Variants in EDEM2 observed in about 807,000 individuals in gnomAD.
EDEM2 encodes the protein ER degradation-enhancing alpha-mannosidase-like protein 2.
In EDEM2, 39 loss-of-function variants were observed where a neutral mutation model predicts 64.8. The ratio of observed to expected loss-of-function variants is 0.60; its 90% CI spans 0.47 to 0.79. The LOEUF (loss-of-function observed/expected upper bound fraction) is 0.79, where lower values mean the gene tolerates loss of function less well. Ranked by LOEUF, EDEM2 falls within the 30% of genes least tolerant of loss-of-function variation. The pLI, the probability that EDEM2 is intolerant of heterozygous loss-of-function variation, is 0.00. For synonymous variants in EDEM2, 296 were observed against 291.5 expected (o/e 1.02, Z -0.16); for missense variants, 609 against 731.3 (o/e 0.83, Z 1.93).
intron 8 of EDEM2, among the ~76,000 whole-genome samples, chr20:35,126,005 G>A (rs1364830700): frequency 6.6e-6 from 1 of 152,144 alleles, no homozygotes; most frequent in Non-Finnish European, 1.5e-5. Context: ...GCCCAGACTG[G>A]AAATGCACTG....
chr20:35,116,045 G>C (rs768993326), intron 10 of EDEM2, 112 bp from the exon 11 acceptor site: 107 of 1,169,384 alleles, frequency 9.2e-5, no homozygotes, highest in Middle Eastern at 2.8e-4. Context: ...GGGCCTGTGA[G>C]CAAATCACTG....
intron 9 of EDEM2, 90 bp downstream of exon 9, chr20:35,123,800 C>A: frequency 2.1e-6 from 3 of 1,459,230 alleles, no homozygotes; most frequent in Non-Finnish European, 2.8e-6. Context: ...AACTTGTGGG[C>A]AGTTGTGGAG....
chr20:35,133,756 C>T (rs1184048065), intron 6 of EDEM2, among the ~76,000 whole-genome samples: 6 of 152,114 alleles, frequency 3.9e-5, no homozygotes, highest in Non-Finnish European at 5.9e-5. Flanking sequence ...CGTGAGCCAC[C>T]GCACCCAGCC....
intron 8 of EDEM2, among the ~76,000 whole-genome samples, chr20:35,125,252 A>G (rs6088726): frequency 0.61 from 91,390 of 150,078 alleles, 28,046 homozygotes; most frequent in Admixed American, 0.71. Context: ...CCAGGCTGCA[A>G]TGGCATGATC....
At chr20:35,139,904 T>C (rs1221015103) in intron 4 of EDEM2, among the ~76,000 whole-genome samples, 2 of 151,778 alleles carry the variant, frequency 1.3e-5, no homozygotes, top group African/African-American at 4.8e-5. Flanking sequence ...AACAAGATTC[T>C]CTACAAATAA....
rs1168229234 is a variant in EDEM2 at position 35,137,970 on chromosome 20, T to C, written c.400A>G (p.Lys134Glu). ...GGLLSAHLLS[K>E]KAGVEVEAGW... Reference sequence around the variant, plus strand: ...GCCTCTACTTCCACCCCAGCCTTCTTGGAGAGCAGATGAGCAGACAGGAGT... The same window carrying C: ...GCCTCTACTTCCACCCCAGCCTTCTCGGAGAGCAGATGAGCAGACAGGAGT... The change falls in exon 5 of 11, where the codon AAG becomes GAG. Residue 134 changes from lysine (K) to glutamate (E), a missense_variant. Lys to Glu is a moderately conservative substitution (Grantham distance 56). Transcript: ENST00000374492. 6.2e-7 allele frequency: 1 copy of C among 1,614,082 alleles called. No individual in the cohort carries two copies. Among genetic ancestry groups the C allele is most frequent in the Non-Finnish European group, 8.5e-7 (1 of 1,180,000 alleles).
At chr20:35,130,020 T>C (rs377634673) in intron 7 of EDEM2, among the ~76,000 whole-genome samples, 9 of 152,302 alleles carry the variant, frequency 5.9e-5, no homozygotes, top group African/African-American at 2.2e-4. Context: ...GCGTGACTAC[T>C]GTTTTCCTAT....
Position 35,126,241 on chromosome 20 carries a change from T to G in EDEM2, c.969+10A>C, listed in dbSNP as rs1394505322. ...ATAGAAAGATGATCACATTCTTTGA[T>G]CATTCCTACCTGAAGACCAGGCCAG... On this transcript the variant is annotated intron_variant, in intron 8 of 10. Transcript: ENST00000374492. 1 of 1,610,684 alleles carries G rather than the reference T, an allele frequency of 6.2e-7. No individual in the cohort carries two copies. The highest frequency in any genetic ancestry group is 8.5e-7 in the Non-Finnish European group (1 of 1,179,152).
Position 35,134,966 on chromosome 20 carries a change from T to C in EDEM2, c.491-17A>G. On this transcript the variant is annotated splice_polypyrimidine_tract_variant and intron_variant, in intron 5 of 10. Coordinates refer to ENST00000374492, the MANE Select transcript of EDEM2 (RefSeq NM_018217.3). ...TCTGAAAGGCTGAACAATCGACAAA[T>C]TATGATCCCGGACAGGAGCAGGGGG... 6.2e-7 allele frequency: 1 copy of C among 1,612,542 alleles called. No individual in the cohort carries two copies. The highest frequency in any genetic ancestry group is 1.1e-5 in the South Asian group (1 of 91,062).
intron 5 of EDEM2, 90 bp from the exon 6 acceptor site, chr20:35,135,039 A>C (rs985643941): frequency 4.7e-6 from 6 of 1,269,392 alleles, no homozygotes; most frequent in Admixed American, 3.7e-5. Flanking sequence ...CTTAGCCAGC[A>C]CTTCCCTCTT....
chr20:35,118,005 T>C (rs933571545), intron 10 of EDEM2, among the ~76,000 whole-genome samples: 2 of 152,154 alleles, frequency 1.3e-5, no homozygotes, highest in Admixed American at 6.5e-5. Flanking sequence ...CCTTATCTCT[T>C]CCCACTTTTC....
chr20:35,116,310 C>A (rs991021247), intron 10 of EDEM2, among the ~76,000 whole-genome samples: 1 of 152,232 alleles, frequency 6.6e-6, no homozygotes, highest in South Asian at 2.1e-4. Flanking sequence ...CAAGCTCCTA[C>A]AGTATCTGTA....
chr20:35,136,060 A>G (rs575972380), intron 5 of EDEM2, among the ~76,000 whole-genome samples: 28 of 152,230 alleles, frequency 1.8e-4, no homozygotes, highest in Non-Finnish European at 1.2e-4. Flanking sequence ...CAAACTGTGA[A>G]CAAAGGTGTC....
chr20:35,146,690 G>A (rs1415771), intron 2 of EDEM2, 135 bp downstream of exon 2: 427,093 of 919,292 alleles, frequency 0.46, 101,849 homozygotes, highest in African/African-American at 0.59. Context: ...GAATTGCGGG[G>A]AGCGCGGCTC....
chr20:35,134,974 C>G (rs747472383), intron 5 of EDEM2, 25 bp from the exon 6 acceptor site: 9 of 1,610,296 alleles, frequency 5.6e-6, no homozygotes, highest in Middle Eastern at 1.6e-4. Context: ...AATTATGATC[C>G]CGGACAGGAG....
At chr20:35,146,094 C>CTA (rs2085728256) in intron 2 of EDEM2, among the ~76,000 whole-genome samples, 1 of 150,962 alleles carries the variant, frequency 6.6e-6, no homozygotes, top group Non-Finnish European at 1.5e-5. Flanking sequence ...ATACACACAT[C>CTA]TATATATATA....
chr20:35,146,875 G>A lies in EDEM2; in HGVS notation c.168C>T (p.Pro56=). Residue 56 remains proline, a synonymous_variant, in exon 2 of 11, where the codon CCC becomes CCT. Transcript: ENST00000374492. ...AGGTGAGAGGTCGCAGCTCATCGAAGGGAAAGGCATTCTCCAGGTAGCTGT... is the reference window on the plus strand; with the variant it reads ...AGGTGAGAGGTCGCAGCTCATCGAAAGGAAAGGCATTCTCCAGGTAGCTGT... The part of the protein sequence containing the change: ...AYDSYLENAF[P]FDELRPLTCD... 6.2e-7 allele frequency: 1 copy of A among 1,614,192 alleles called. No individual in the cohort carries two copies. The highest frequency in any genetic ancestry group is 8.5e-7 in the Non-Finnish European group (1 of 1,180,022).
Position 35,134,749 on chromosome 20 carries a change from C to G in EDEM2, c.691G>C (p.Asp231His). 6.2e-7 allele frequency: 1 copy of G among 1,613,170 alleles called. No individual in the cohort carries two copies. Among genetic ancestry groups the G allele is most frequent in the East Asian group, 2.2e-5 (1 of 44,882 alleles). ...AGCAGCGAACCTACCAGCCCGATAT[C>G]TGACCGGCTCTCCCAGAGGCGCATC... ...ALMRLWESRS[D>H]IGLVGNHIDV... The change falls in exon 6 of 11, where the codon GAT (aspartate) becomes CAT (histidine). Residue 231 changes from aspartate (D) to histidine (H), a missense_variant. Transcript: ENST00000374492.
chr20:35,123,367 C>T (rs1600703183), intron 9 of EDEM2, among the ~76,000 whole-genome samples: 1 of 152,058 alleles, frequency 6.6e-6, no homozygotes, highest in South Asian at 2.1e-4. Flanking sequence ...CCAAGGTGGG[C>T]GGATCACCTG....
Sources: gnomAD v4.1 joint callset for allele counts (sites outside exome capture counted in the v4.1 genomes callset) on GRCh38, gnomAD v4.1.1 for gene constraint, MANE v1.5 for transcripts, NCBI Gene and HGNC (gene_info 2026-07-23, HGNC 2026-07-21) for gene names.